Variants in IL12RB1 observed in about 807,000 individuals in gnomAD.
The protein encoded by IL12RB1 is interleukin-12 receptor subunit beta-1.
A neutral mutation model predicts 94.4 loss-of-function variants in IL12RB1; 64 were observed. That is an observed-to-expected ratio of 0.68 (90% CI 0.55 to 0.83). The LOEUF (loss-of-function observed/expected upper bound fraction) is 0.83. IL12RB1 is among the 40% of genes least tolerant of loss of function. The pLI is 0.00. For missense variants in IL12RB1, 814 were observed against 855.6 expected, an observed-to-expected ratio of 0.95 and a Z score of 0.61; for synonymous variants, 362 against 355.5, an observed-to-expected ratio of 1.02 and a Z score of -0.21.
intron 1 of IL12RB1, among the ~76,000 whole-genome samples, chr19:18,092,664 C>G (rs1056012074): frequency 1.1e-5 from 1 of 87,556 alleles, no homozygotes; most frequent in African/African-American, 5.1e-5. Context: ...GAGCAAAACT[C>G]TGTCTGAAAA....
intron 1 of IL12RB1, among the ~76,000 whole-genome samples, chr19:18,095,717 A>G (rs1384025771): frequency 6.6e-6 from 1 of 152,134 alleles, no homozygotes; most frequent in East Asian, 1.9e-4. Context: ...TATGAGAAAA[A>G]CAAGTTTTCC....
At chr19:18,075,393 T>G (rs2035391896) in intron 7 of IL12RB1, among the ~76,000 whole-genome samples, 1 of 151,900 alleles carries the variant, frequency 6.6e-6, no homozygotes, top group Non-Finnish European at 1.5e-5. Context: ...CCCAAGTAGC[T>G]GGGATTACAG....
chr19:18,078,349 G>A (rs1331681544), intron 4 of IL12RB1, among the ~76,000 whole-genome samples: 1 of 152,094 alleles, frequency 6.6e-6, no homozygotes, highest in African/African-American at 2.4e-5. Flanking sequence ...GGAGGTTGTA[G>A]TTAGACAAGA....
chr19:18,096,736 T>C (rs965579567), intron 1 of IL12RB1, among the ~76,000 whole-genome samples: 1 of 151,410 alleles, frequency 6.6e-6, no homozygotes, highest in African/African-American at 2.4e-5. Flanking sequence ...CTAGGGAGGC[T>C]GAGGCATGAG....
intron 11 of IL12RB1, among the ~76,000 whole-genome samples, chr19:18,067,554 G>C (rs1002940170): frequency 5.9e-5 from 9 of 151,624 alleles, no homozygotes; most frequent in Non-Finnish European, 1.2e-4. Context: ...CTGTAATCCC[G>C]GCACTTTGGG....
At chr19:18,095,060 T>G (rs1232351236) in intron 1 of IL12RB1, among the ~76,000 whole-genome samples, 1 of 151,362 alleles carries the variant, frequency 6.6e-6, no homozygotes, top group African/African-American at 2.4e-5. Context: ...GTGTCTGTAA[T>G]CCCAGCTACT....
At chr19:18,073,917 T>C (rs1240741834) in intron 7 of IL12RB1, among the ~76,000 whole-genome samples, 1 of 152,220 alleles carries the variant, frequency 6.6e-6, no homozygotes, top group Non-Finnish European at 1.5e-5. Flanking sequence ...CTCTGCCTTC[T>C]GGGTTCAAGC....
intron 8 of IL12RB1, among the ~76,000 whole-genome samples, chr19:18,072,982 G>A (rs1190435181): frequency 2.6e-5 from 4 of 151,044 alleles, no homozygotes; most frequent in Non-Finnish European, 4.4e-5. Flanking sequence ...AAAAGAAGAG[G>A]AATTTGAGTT....
intron 13 of IL12RB1, 25 bp downstream of exon 13, chr19:18,063,851 A>T (rs774268416): frequency 6.2e-7 from 1 of 1,607,020 alleles, no homozygotes; most frequent in Non-Finnish European, 8.5e-7. Flanking sequence ...TGGGTAAATA[A>T]CTGGGTCCTA....
intron 13 of IL12RB1, among the ~76,000 whole-genome samples, chr19:18,063,471 C>A (rs1056828942): frequency 2.6e-5 from 4 of 151,968 alleles, no homozygotes; most frequent in African/African-American, 9.7e-5. Context: ...CTTCCTCCTC[C>A]CCAAGAGCCC....
At chr19:18,062,567 G>A (rs2034220118) in intron 13 of IL12RB1, among the ~76,000 whole-genome samples, 2 of 152,154 alleles carry the variant, frequency 1.3e-5, no homozygotes, top group Non-Finnish European at 2.9e-5. Context: ...GAGGTCAGGA[G>A]TTCGAGACCA....
At chr19:18,069,862 A>G in intron 9 of IL12RB1, 149 bp from the exon 10 acceptor site, 1 of 652,864 alleles carries the variant, frequency 1.5e-6, no homozygotes, top group East Asian at 2.6e-5. Context: ...GTTTCCCTGC[A>G]CTGGAGGCTG....
chr19:18,067,324 A>AAG, intron 11 of IL12RB1, among the ~76,000 whole-genome samples: 1 of 95,686 alleles, frequency 1.0e-5, no homozygotes, highest in Non-Finnish European at 2.2e-5. Flanking sequence ...ACTCTGTCTC[A>AAG]AGAAAAAAAA....
chr19:18,078,679 CT>C (rs1568510935), intron 4 of IL12RB1, among the ~76,000 whole-genome samples: 2 of 151,762 alleles, frequency 1.3e-5, no homozygotes, highest in African/African-American at 4.8e-5. Context: ...CCAGCCAATT[CT>C]TTTTTTGTTT....
At chr19:18,069,752 A>T (rs765849052) in intron 9 of IL12RB1, 39 bp from the exon 10 acceptor site, 1 of 1,474,816 alleles carries the variant, frequency 6.8e-7, no homozygotes, top group South Asian at 1.1e-5. Flanking sequence ...GACAGTTGCC[A>T]TCTCTCTCCC....
intron 1 of IL12RB1, among the ~76,000 whole-genome samples, chr19:18,094,473 G>A (rs2036791389): frequency 6.6e-6 from 1 of 152,134 alleles, no homozygotes. Flanking sequence ...TACTGAAGGG[G>A]GCATACTTAC....
upstream of IL12RB1, among the ~76,000 whole-genome samples, chr19:18,091,283 C>G (rs772287754): frequency 6.6e-6 from 1 of 152,236 alleles, no homozygotes; most frequent in Non-Finnish European, 1.5e-5. Flanking sequence ...CTGTGGGCCC[C>G]TTATGGCCCC....
At chr19:18,083,323 A>G (rs2036044334) in intron 2 of IL12RB1, 109 bp downstream of exon 2, 2 of 1,029,022 alleles carry the variant, frequency 1.9e-6, no homozygotes, top group Non-Finnish European at 3.1e-6. Context: ...GACCACAGGC[A>G]GGGCTGGGTC....
rs1009636107 is a variant in IL12RB1 at position 18,084,472 on chromosome 19, G to A, written c.65-981C>T. ...CACCCATCCATCCATGTATTCATTA[G>A]TCCATCCATCCATCCATCCATCCAT... On this transcript the variant is annotated intron_variant, in intron 1 of 16. Transcript: ENST00000593993. Among the ~76,000 whole-genome samples, 27 of 135,608 alleles carry A rather than the reference G, an allele frequency of 2.0e-4. No homozygotes were observed. In the South Asian group the frequency reaches 5.0e-3, roughly 25 times the overall value. 89.0% of individuals were successfully genotyped at this position (135,608 alleles called of 152,430 possible). A position where few individuals can be genotyped will look rare whatever the true frequency, so the allele number is the denominator to read the frequency against.
Sources: allele counts gnomAD v4.1 joint callset (sites outside exome capture counted in the v4.1 genomes callset), GRCh38; gene constraint gnomAD v4.1.1; transcripts MANE v1.5; gene names NCBI Gene and HGNC (gene_info 2026-07-23, HGNC 2026-07-21).